The following RFX4 variants were observed in gnomAD, a reference collection of about 807,000 sequenced individuals.
RFX4 encodes the protein transcription factor RFX4.
Under a neutral mutation model 95.0 loss-of-function variants are expected in RFX4, and 10 were observed. The observed-to-expected ratio is 0.11, with a 90% CI of 0.06 to 0.18. The LOEUF (loss-of-function observed/expected upper bound fraction) is 0.18. Ranked by LOEUF, RFX4 falls within the 10% of genes least tolerant of loss-of-function variation. RFX4 has a pLI of 1.00. For synonymous variants in RFX4, 321 were observed against 340.7 expected (o/e 0.94, Z 0.64); for missense variants, 640 against 922.0 (o/e 0.69, Z 3.96).
At chr12:106,584,198 G>C (rs1206747457) in intron 1 of RFX4, among the ~76,000 whole-genome samples, 2 of 152,128 alleles carry the variant, frequency 1.3e-5, no homozygotes, top group East Asian at 3.9e-4. Flanking sequence ...CCGGTATCTC[G>C]GTTCTTCCTC....
rs191999429 is a variant in RFX4 at position 106,741,711 on chromosome 12, C to T, written c.1634-5726C>T. On this transcript the variant is annotated intron_variant, in intron 15 of 17. Transcript: ENST00000392842. ...AATATCTGTGATGGTTCACAGAATC[C>T]TCCTAAGGAAAAGGTTAAAGCAGTG... Among the ~76,000 whole-genome samples the T allele has an allele frequency of 2.0e-5, 3 of 152,236 alleles. No homozygotes were observed. In the East Asian group the frequency reaches 5.8e-4, roughly 29 times the overall value.
intron 6 of RFX4, among the ~76,000 whole-genome samples, chr12:106,688,799 G>A (rs1464951657): frequency 1.3e-5 from 2 of 151,746 alleles, no homozygotes; most frequent in Non-Finnish European, 2.9e-5. Flanking sequence ...TAAGCACATT[G>A]CAGAGAATTT....
intron 3 of RFX4, among the ~76,000 whole-genome samples, chr12:106,651,802 T>C (rs2040861947): frequency 6.6e-6 from 1 of 152,108 alleles, no homozygotes; most frequent in African/African-American, 2.4e-5. Context: ...TGTTGCCAGA[T>C]CTCAGCTTTT....
chr12:106,748,510 G>A (rs1304330838), intron 16 of RFX4, among the ~76,000 whole-genome samples: 1 of 152,190 alleles, frequency 6.6e-6, no homozygotes, highest in Non-Finnish European at 1.5e-5. Flanking sequence ...GTGGAGTGAT[G>A]TTGCTGTGAT....
At position 106,608,780 on chromosome 12, in the gene RFX4, CTT is replaced by C. The variant is rs55993073; in HGVS notation, c.44-4_44-3del. ...TTCTTTTTCTTTTCTTTCTTTCTTT[CTT>C]TTTTTTTTTTTTAGAGAGCTGGATT... On this transcript the variant is annotated splice_polypyrimidine_tract_variant and intron_variant, in intron 1 of 17. Transcript: ENST00000392842. 32,416 of 1,374,672 alleles carry C rather than the reference CTT, an allele frequency of 0.024. 103 individuals are homozygous for C. Among genetic ancestry groups the C allele is most frequent in the African/African-American group, 0.081 (5,352 of 65,890 alleles). The allele number at this position is 1,374,672 out of a possible 1,614,324, so 85.2% of individuals were successfully genotyped here. A position where few individuals can be genotyped will look rare whatever the true frequency, so the allele number is the denominator to read the frequency against.
At chr12:106,602,892 A>T (rs2039741434) in intron 1 of RFX4, among the ~76,000 whole-genome samples, 1 of 152,224 alleles carries the variant, frequency 6.6e-6, no homozygotes, top group African/African-American at 2.4e-5. Context: ...AACAAGATAG[A>T]CAAGGTCATT....
At chr12:106,690,457 G>A (rs1372542372) in intron 7 of RFX4, among the ~76,000 whole-genome samples, 1 of 152,040 alleles carries the variant, frequency 6.6e-6, no homozygotes, top group Non-Finnish European at 1.5e-5. Flanking sequence ...ATAATGATTC[G>A]TGACTGGCTA....
At chr12:106,599,181 G>A (rs1481615447) in intron 1 of RFX4, among the ~76,000 whole-genome samples, 1 of 140,120 alleles carries the variant, frequency 7.1e-6, no homozygotes, top group Non-Finnish European at 1.5e-5. Flanking sequence ...TTTCCTCCTC[G>A]TTGTTTTTTT....
chr12:106,669,836 A>AGG lies in RFX4; in HGVS notation c.316-12154_316-12153dup, dbSNP rs1171240457. Among the ~76,000 whole-genome samples, 61 of 81,206 alleles carry AGG rather than the reference A, an allele frequency of 7.5e-4. 1 individual carries two copies. The highest frequency in any genetic ancestry group is 2.2e-3 in the South Asian group (4 of 1,790). The allele number at this position is 81,206 out of a possible 152,430, so 53.3% of individuals were successfully genotyped here. A position where few individuals can be genotyped will look rare whatever the true frequency, so the allele number is the denominator to read the frequency against. On this transcript the variant is annotated intron_variant, in intron 4 of 17. Transcript: ENST00000392842. ...TCTGATTTCACACCAGGTTTTTTCT[A>AGG]GGGGTGTGTGTGTGTGTGTGTGTGT... is the stretch of plus-strand genomic sequence containing the variant.
intron 10 of RFX4, among the ~76,000 whole-genome samples, chr12:106,712,942 T>C (rs971802497): frequency 6.6e-6 from 1 of 152,152 alleles, no homozygotes; most frequent in East Asian, 1.9e-4. Flanking sequence ...GTTCCTTTAA[T>C]GCACATGTAG....
intron 4 of RFX4, among the ~76,000 whole-genome samples, chr12:106,665,278 T>C (rs1028573773): frequency 6.6e-6 from 1 of 151,980 alleles, no homozygotes; most frequent in Non-Finnish European, 1.5e-5. Flanking sequence ...CTTTGAAGTA[T>C]GCTCCATATG....
intron 1 of RFX4, chr12:106,583,592 G>T (rs2039407124): frequency 5.1e-6 from 2 of 392,722 alleles, no homozygotes; most frequent in Middle Eastern, 1.3e-3. Flanking sequence ...GTGTGTGTGC[G>T]TGCGCGCGCG....
At chr12:106,621,873 T>C (rs1242150875) in intron 2 of RFX4, among the ~76,000 whole-genome samples, 1 of 152,214 alleles carries the variant, frequency 6.6e-6, no homozygotes, top group Non-Finnish European at 1.5e-5. Context: ...AGCTTACTTC[T>C]GGTGCTTCCT....
chr12:106,610,479 C>T (rs1034625835), intron 2 of RFX4, among the ~76,000 whole-genome samples: 1 of 152,152 alleles, frequency 6.6e-6, no homozygotes, highest in Non-Finnish European at 1.5e-5. Flanking sequence ...CTCCTTTTCC[C>T]TCAGTCTCTG....
In RFX4 at chr12:106,583,378, C is replaced by A. The variant is rs756743639; in HGVS notation, c.43+15C>A. On this transcript the variant is annotated intron_variant, in intron 1 of 17. Transcript: ENST00000392842. ...GGATTCCACAGGTTAGTCCTACTGG[C>A]GGGGTTGGGGGGATACATTGGGAGG... is the stretch of plus-strand genomic sequence containing the variant. 1 of 1,564,572 alleles carries A rather than the reference C, an allele frequency of 6.4e-7. No homozygotes were observed. Among genetic ancestry groups the A allele is most frequent in the Non-Finnish European group, 8.6e-7 (1 of 1,160,736 alleles).
intron 4 of RFX4, among the ~76,000 whole-genome samples, chr12:106,679,798 T>C (rs548778575): frequency 6.6e-6 from 1 of 152,224 alleles, no homozygotes; most frequent in Non-Finnish European, 1.5e-5. Context: ...GCCATTCATA[T>C]GCTGAAAGTC....
chr12:106,606,607 T>G (rs1035118362), intron 1 of RFX4, among the ~76,000 whole-genome samples: 1 of 152,192 alleles, frequency 6.6e-6, no homozygotes, highest in African/African-American at 2.4e-5. Context: ...CATTGTGCAT[T>G]CGATGTCTGG....
At chr12:106,745,160 C>G (rs753868331) in intron 15 of RFX4, among the ~76,000 whole-genome samples, 35 of 152,254 alleles carry the variant, frequency 2.3e-4, no homozygotes, top group Middle Eastern at 6.8e-3. Context: ...TTTCTTCTTT[C>G]ATTCCCACTT....
At chr12:106,681,500 A>C (rs2041512901) in intron 4 of RFX4, among the ~76,000 whole-genome samples, 1 of 152,222 alleles carries the variant, frequency 6.6e-6, no homozygotes, top group African/African-American at 2.4e-5. Flanking sequence ...TCCTGGGTGC[A>C]GTACAAAGGC....
Sources: gnomAD v4.1 joint callset for allele counts (sites outside exome capture counted in the v4.1 genomes callset) on GRCh38, gnomAD v4.1.1 for gene constraint, MANE v1.5 for transcripts, NCBI Gene and HGNC (gene_info 2026-07-23, HGNC 2026-07-21) for gene names.